The following MLH3 variants were observed in gnomAD, a reference collection of about 807,000 sequenced individuals.
The protein encoded by MLH3 is DNA mismatch repair protein Mlh3.
MLH3 carries 82 observed loss-of-function variants against 122.2 expected under a neutral mutation model. The observed-to-expected ratio is 0.67, with a 90% CI of 0.56 to 0.81. MLH3 has a LOEUF of 0.81. Ranked by LOEUF, MLH3 falls within the 30% of genes least tolerant of loss-of-function variation. MLH3 has a pLI of 0.00. For synonymous variants in MLH3, 524 were observed against 599.5 expected, an observed-to-expected ratio of 0.87 and a Z score of 1.84; for missense variants, 1,539 against 1,714.5, an observed-to-expected ratio of 0.90 and a Z score of 1.81.
chr14:75,042,901 G>A (rs1019376652), intron 2 of MLH3, among the ~76,000 whole-genome samples: 15 of 151,838 alleles, frequency 9.9e-5, no homozygotes, highest in East Asian at 3.9e-4. Flanking sequence ...TCAGCCTCCC[G>A]AGTAGCTGGG....
intron 2 of MLH3, 118 bp downstream of exon 2, chr14:75,046,258 G>T: frequency 1.0e-6 from 1 of 976,462 alleles, no homozygotes; most frequent in Non-Finnish European, 1.6e-6. Flanking sequence ...TGTTTTATAA[G>T]TGGTCTTCAA....
At chr14:75,044,604 A>G (rs1892089687) in intron 2 of MLH3, among the ~76,000 whole-genome samples, 1 of 152,218 alleles carries the variant, frequency 6.6e-6, no homozygotes, top group African/African-American at 2.4e-5. Flanking sequence ...TAGTCTCAGG[A>G]ACAACAGTGA....
Position 75,022,907 on chromosome 14 carries a change from C to T in MLH3, c.4012-15G>A, listed in dbSNP as rs371582071. ...GTCTGGAGTAGCTAATGCATAAACA[C>T]GTTATTAACAGGAAAAGAAAACGGA... On this transcript the variant is annotated splice_polypyrimidine_tract_variant and intron_variant, in intron 10 of 12. Transcript: ENST00000355774. The T allele has an allele frequency of 6.2e-7, 1 of 1,613,944 alleles. No individual in the cohort carries two copies.
At chr14:75,036,536 C>T (rs540787736) in intron 6 of MLH3, 30 of 383,754 alleles carry the variant, frequency 7.8e-5, no homozygotes, top group South Asian at 2.9e-4. Context: ...GTAGAGACAG[C>T]GTTTCAGCAT....
At chr14:75,050,475 C>G (rs2139621547) in intron 1 of MLH3, among the ~76,000 whole-genome samples, 1 of 152,306 alleles carries the variant, frequency 6.6e-6, no homozygotes, top group Middle Eastern at 3.4e-3. Context: ...TCTCGGCTCA[C>G]TGCAGCCTGC....
rs1350361020 is a variant in MLH3, at chr14:75,049,438, T to C, written c.218A>G (p.Tyr73Cys). Reference protein sequence around the residue: ...SDDVEKVGNRYFTSKCHSVQD... With the variant: ...SDDVEKVGNRCFTSKCHSVQD... ...TACCGAGTGGCATTTACTGGTGAAA[T>C]AACGATTTCCCACTTTCTCTACATC... The change falls in exon 2 of 13, where the codon TAT (tyrosine) becomes TGT (cysteine). Residue 73 changes from tyrosine to cysteine, a missense_variant. Transcript: ENST00000355774. 1.2e-6 allele frequency: 2 copies of C among 1,614,124 alleles called. No homozygotes were observed. The highest frequency in any genetic ancestry group is 2.2e-5 in the South Asian group (2 of 91,088).
At chr14:75,034,066 G>A (rs562841219) in intron 6 of MLH3, among the ~76,000 whole-genome samples, 7 of 151,972 alleles carry the variant, frequency 4.6e-5, no homozygotes, top group Admixed American at 1.3e-4. Flanking sequence ...GGTGGCACGC[G>A]CCTGTAGTTC....
chr14:75,035,930 A>G (rs541565717), intron 6 of MLH3, among the ~76,000 whole-genome samples: 103 of 152,102 alleles, frequency 6.8e-4, no homozygotes, highest in African/African-American at 2.3e-3. Context: ...ATCTCCTTGC[A>G]GTCTCCATTA....
In MLH3 at chr14:75,048,112, G is replaced by C. The variant is rs1892390388; in HGVS notation, c.1544C>G (p.Pro515Arg). ...CTGCCCACTCTCCTCAAAGTGACAT[G>C]GTGTCTGAAAAGGGCTTAAAAACAT... is the stretch of plus-strand genomic sequence containing the variant. ...LEMFLSPFQT[P>R]CHFEESGQDL... The change falls in exon 2 of 13, where the codon CCA becomes CGA. Residue 515 changes from proline (P) to arginine (R), a missense_variant. By Grantham distance (103) the Pro-to-Arg change is moderately radical. Coordinates refer to ENST00000355774, the MANE Select transcript of MLH3 (RefSeq NM_001040108.2). 1.2e-6 allele frequency: 2 copies of C among 1,614,142 alleles called. No homozygotes were observed. The highest frequency in any genetic ancestry group is 8.5e-7 in the Non-Finnish European group (1 of 1,180,014).
chr14:75,017,079 T>G lies in MLH3; in HGVS notation c.*3A>C. On this transcript the variant is annotated 3_prime_UTR_variant, in exon 13 of 13. Transcript: ENST00000355774. Reference sequence around the variant, plus strand: ...TGTTCCTTTTAGACCAGTGATTCTGTTCTCATGGTGGCTCACAGGGAGGCA... The same window carrying G: ...TGTTCCTTTTAGACCAGTGATTCTGGTCTCATGGTGGCTCACAGGGAGGCA... 1 of 1,613,722 alleles carries G rather than the reference T, an allele frequency of 6.2e-7. No homozygotes were observed. Among genetic ancestry groups the G allele is most frequent in the Non-Finnish European group, 8.5e-7 (1 of 1,179,748 alleles).
chr14:75,016,938 G>T lies in MLH3; in HGVS notation c.*144C>A. 1.1e-6 allele frequency: 1 copy of T among 890,216 alleles called. No individual in the cohort carries two copies. The highest frequency in any genetic ancestry group is 1.9e-6 in the Non-Finnish European group (1 of 535,992). The allele number at this position is 890,216 out of a possible 1,614,324, so 55.1% of individuals were successfully genotyped here. On this transcript the variant is annotated 3_prime_UTR_variant, in exon 13 of 13. Transcript: ENST00000355774. ...GGGAATCATCTGCTCAAGAAAGACT[G>T]ATACAGAGAGCCCTGCTGTCTAAGC...
At chr14:75,022,756 G>T in intron 11 of MLH3, 58 bp downstream of exon 11, 1 of 1,470,158 alleles carries the variant, frequency 6.8e-7, no homozygotes, top group Non-Finnish European at 9.5e-7. Flanking sequence ...AATCCCGGCA[G>T]CCCTGCCAGG....
At position 75,039,946 on chromosome 14, in the gene MLH3, A is replaced by G; in HGVS notation, c.3535T>C (p.Tyr1179His). The change falls in exon 5 of 13, where the codon TAT (tyrosine) becomes CAT (histidine). Residue 1179 changes from tyrosine (Y) to histidine (H), a missense_variant. Physicochemically the swap from Tyr to His is moderately conservative, Grantham distance 83 (BLOSUM62 2). Coordinates refer to ENST00000355774, the MANE Select transcript of MLH3 (RefSeq NM_001040108.2). ...TGAATCATTCCTTTGGTGAAACGAT[A>G]GGGATACAAGATGTTGTGAATTTTA... ...AVKIHNILYP[Y>H]RFTKGMIHSM... The G allele has an allele frequency of 6.3e-7, 1 of 1,586,604 alleles. No individual in the cohort carries two copies. Among genetic ancestry groups the G allele is most frequent in the Non-Finnish European group, 8.6e-7 (1 of 1,162,450 alleles).
At position 75,048,652 on chromosome 14, in the gene MLH3, G is replaced by A. The variant is rs762823997; in HGVS notation, c.1004C>T (p.Thr335Ile). The A allele has an allele frequency of 1.2e-5, 20 of 1,614,132 alleles. No individual in the cohort carries two copies. The highest frequency in any genetic ancestry group is 1.6e-4 in the Middle Eastern group (1 of 6,062). The change falls in exon 2 of 13, where the codon ACT becomes ATT. Residue 335 changes from threonine to isoleucine, a missense_variant. Thr to Ile is a moderately conservative substitution (Grantham distance 89). Transcript: ENST00000355774. The part of the protein sequence containing the change: ...KTLIEFQNWD[T>I]LLFCIQEGVK... ...TCCTTCCTGAATGCAAAACAAGAGA[G>A]TGTCCCAGTTCTGAAATTCAATCAG... is the stretch of plus-strand genomic sequence containing the variant.
intron 3 of MLH3, 149 bp from the exon 4 acceptor site, chr14:75,041,849 T>A (rs1359284699): frequency 1.0e-5 from 7 of 689,544 alleles, no homozygotes; most frequent in Non-Finnish European, 1.1e-5. Context: ...TTGCTGTATC[T>A]CTAAATTATT....
intron 2 of MLH3, among the ~76,000 whole-genome samples, chr14:75,045,186 C>A (rs773221095): frequency 6.6e-6 from 1 of 152,104 alleles, no homozygotes; most frequent in African/African-American, 2.4e-5. Context: ...AAAAATTAGC[C>A]GGGTGTGGTA....
In MLH3 at chr14:75,015,357, C is replaced by T. The variant is rs914680091; in HGVS notation, c.*1725G>A. 4.0e-5 allele frequency: 7 copies of T among 176,286 alleles called. No homozygotes were observed. The highest frequency in any genetic ancestry group is 1.7e-4 in the African/African-American group (7 of 42,216). The allele number at this position is 176,286 out of a possible 1,614,324, so 10.9% of individuals were successfully genotyped here. On this transcript the variant is annotated 3_prime_UTR_variant, in exon 13 of 13. Coordinates refer to ENST00000355774, the MANE Select transcript of MLH3 (RefSeq NM_001040108.2). The stretch of plus-strand genomic sequence containing the variant: ...GAGGACTTTTTCTAATCCTCTGCTA[C>T]TCTCAAGAAAACAGTAGTTGGGATT...
At position 75,049,656 on chromosome 14, in the gene MLH3, G is replaced by A; in HGVS notation, c.-1C>T. 6 of 1,613,506 alleles carry A rather than the reference G, an allele frequency of 3.7e-6. No individual in the cohort carries two copies. The highest frequency in any genetic ancestry group is 5.1e-6 in the Non-Finnish European group (6 of 1,179,688). On this transcript the variant is annotated 5_prime_UTR_variant, in exon 2 of 13. Coordinates refer to ENST00000355774, the MANE Select transcript of MLH3 (RefSeq NM_001040108.2). ...CTTCAACTGACAAGCACTTGATCAT[G>A]GTAGGTAGAAAGATGGTGAGAATGC...
intron 9 of MLH3, among the ~76,000 whole-genome samples, chr14:75,029,897 G>A (rs1169771852): frequency 5.9e-5 from 9 of 152,018 alleles, no homozygotes. Flanking sequence ...CTGTAGTGCC[G>A]GGGGTTTGGG....
Sources: gnomAD v4.1 joint callset for allele counts (sites outside exome capture counted in the v4.1 genomes callset) on GRCh38, gnomAD v4.1.1 for gene constraint, MANE v1.5 for transcripts, NCBI Gene and HGNC (gene_info 2026-07-23, HGNC 2026-07-21) for gene names.